The following CCDC7 variants were observed in gnomAD, a reference collection of about 807,000 sequenced individuals.
CCDC7 encodes the protein coiled-coil domain-containing protein 7.
Under a neutral mutation model 196.9 loss-of-function variants are expected in CCDC7, and 183 were observed. The ratio of observed to expected loss-of-function variants is 0.93; its 90% CI spans 0.82 to 1.05. The LOEUF is 1.05. Ranked by LOEUF, CCDC7 falls within the 50% of genes least tolerant of loss-of-function variation. CCDC7 has a pLI of 0.00. For synonymous variants in CCDC7, 525 were observed against 484.6 expected, an observed-to-expected ratio of 1.08 and a Z score of -1.10; for missense variants, 1,540 against 1,482.2, an observed-to-expected ratio of 1.04 and a Z score of -0.64.
intron 24 of CCDC7, among the ~76,000 whole-genome samples, chr10:32,702,298 G>A (rs904241239): frequency 7.9e-5 from 12 of 152,038 alleles, no homozygotes; most frequent in African/African-American, 1.4e-4. Flanking sequence ...ATTCAGGAGT[G>A]GGTTGTTCAG....
chr10:32,602,145 C>T (rs901004863), intron 18 of CCDC7, among the ~76,000 whole-genome samples: 3 of 152,032 alleles, frequency 2.0e-5, no homozygotes, highest in East Asian at 1.9e-4. Flanking sequence ...CTGAAGTCAG[C>T]GAGACCACAA....
chr10:32,703,844 G>C (rs60182087), intron 24 of CCDC7, among the ~76,000 whole-genome samples: 1 of 152,016 alleles, frequency 6.6e-6, no homozygotes, highest in East Asian at 1.9e-4. Context: ...CGTAGTTCTC[G>C]TGCCTTGGTT....
At chr10:32,853,667 T>A (rs890001101) in intron 40 of CCDC7, among the ~76,000 whole-genome samples, 14 of 152,200 alleles carry the variant, frequency 9.2e-5, no homozygotes, top group Admixed American at 7.9e-4. Context: ...TCTTTACAAT[T>A]GCATTTCTAG....
chr10:32,817,076 TA>T (rs1171179595), intron 31 of CCDC7, among the ~76,000 whole-genome samples: 1 of 152,004 alleles, frequency 6.6e-6, no homozygotes, highest in East Asian at 1.9e-4. Flanking sequence ...GCGAAGAAGT[TA>T]AAAACCTTGA....
At position 32,870,226 on chromosome 10, in the gene CCDC7, A is replaced by G. The variant is rs34094766; in HGVS notation, c.4112-6121A>G. Among the ~76,000 whole-genome samples the G allele has an allele frequency of 5.4e-3, 824 of 152,278 alleles. 4 individuals are homozygous for G. Among genetic ancestry groups the G allele is most frequent in the Non-Finnish European group, 9.2e-3 (629 of 68,010 alleles). On this transcript the variant is annotated intron_variant, in intron 41 of 41. Transcript: ENST00000639629. ...ACGATTCTATTGATTCTTCCTACCCATGAGCATGGAATGTTCTTCCATTTG... is the reference window on the plus strand; with the variant it reads ...ACGATTCTATTGATTCTTCCTACCCGTGAGCATGGAATGTTCTTCCATTTG...
At chr10:32,577,233 G>A (rs1258299627) in intron 16 of CCDC7, among the ~76,000 whole-genome samples, 5 of 151,960 alleles carry the variant, frequency 3.3e-5, no homozygotes, top group African/African-American at 7.3e-5. Context: ...ATGGTCGTGC[G>A]CGCCTGTAGT....
At chr10:32,603,174 T>TA (rs2061241818) in intron 18 of CCDC7, among the ~76,000 whole-genome samples, 1 of 151,484 alleles carries the variant, frequency 6.6e-6, no homozygotes, top group Non-Finnish European at 1.5e-5. Flanking sequence ...TTTTTTTTTT[T>TA]AGCTCATACA....
intron 21 of CCDC7, among the ~76,000 whole-genome samples, chr10:32,676,597 C>G (rs549607779): frequency 3.3e-5 from 5 of 152,216 alleles, no homozygotes; most frequent in African/African-American, 1.2e-4. Flanking sequence ...GACATTTATG[C>G]AGCCAAAAAA....
At chr10:32,607,989 C>T (rs1302321014) in intron 18 of CCDC7, among the ~76,000 whole-genome samples, 1 of 152,018 alleles carries the variant, frequency 6.6e-6, no homozygotes, top group Non-Finnish European at 1.5e-5. Flanking sequence ...AATTTTATTA[C>T]TCATTATTGA....
At chr10:32,566,146 A>G (rs1176621770) in intron 14 of CCDC7, among the ~76,000 whole-genome samples, 2 of 152,198 alleles carry the variant, frequency 1.3e-5, no homozygotes, top group African/African-American at 4.8e-5. Context: ...AATGTAAAGG[A>G]CAGAAATATG....
intron 11 of CCDC7, 97 bp downstream of exon 12, chr10:32,518,602 GT>G: frequency 1.1e-6 from 1 of 897,574 alleles, no homozygotes; most frequent in Non-Finnish European, 1.5e-6. Flanking sequence ...TATATAATAT[GT>G]TTTTACTATT....
chr10:32,797,245 G>A (rs573963790), intron 29 of CCDC7, among the ~76,000 whole-genome samples: 32 of 149,350 alleles, frequency 2.1e-4, no homozygotes, highest in African/African-American at 2.7e-4. Context: ...ATATATATGC[G>A]TATATATATG....
chr10:32,848,017 G>A, intron 38 of CCDC7, 101 bp downstream of exon 39: 1 of 609,850 alleles, frequency 1.6e-6, no homozygotes, highest in South Asian at 3.2e-5. Context: ...AATATTTCAT[G>A]GGCAAATGTC....
At chr10:32,663,159 TAATTA>T (rs2071872131) in intron 20 of CCDC7, among the ~76,000 whole-genome samples, 1 of 152,196 alleles carries the variant, frequency 6.6e-6, no homozygotes, top group East Asian at 1.9e-4. Context: ...CCACTGTCCC[TAATTA>T]AATCTAACGA....
upstream of CCDC7, among the ~76,000 whole-genome samples, chr10:32,450,138 G>T (rs925750510): frequency 2.0e-5 from 3 of 152,174 alleles, no homozygotes; most frequent in Non-Finnish European, 2.9e-5. Context: ...CCAGAAAACT[G>T]AAATCAAGGT....
At chr10:32,580,475 AT>A (rs1287651805) in intron 16 of CCDC7, among the ~76,000 whole-genome samples, 2 of 152,084 alleles carry the variant, frequency 1.3e-5, no homozygotes, top group Non-Finnish European at 2.9e-5. Flanking sequence ...ATTGTATTGT[AT>A]TGTAAAAACT....
rs966665026 is a variant in CCDC7, at chr10:32,669,943, A to G, written c.2122+5782A>G. On this transcript the variant is annotated intron_variant, in intron 21 of 41. Transcript: ENST00000639629. ...GTAAAATTACATAAAAGGACAAATT[A>G]TAATCAGACGTTTGCTTGGTGAGCA... Among the ~76,000 whole-genome samples the G allele has an allele frequency of 1.3e-5, 2 of 152,182 alleles. 1 individual carries two copies. Among genetic ancestry groups the G allele is most frequent in the Admixed American group, 1.3e-4 (2 of 15,262 alleles).
At chr10:32,525,049 T>G (rs913735640) in intron 11 of CCDC7, among the ~76,000 whole-genome samples, 5 of 152,038 alleles carry the variant, frequency 3.3e-5, no homozygotes, top group Non-Finnish European at 5.9e-5. Context: ...GTACGTGTGC[T>G]TCATTGTGTG....
chr10:32,746,522 C>T (rs1220283918), intron 28 of CCDC7, among the ~76,000 whole-genome samples: 1 of 152,170 alleles, frequency 6.6e-6, no homozygotes, highest in Admixed American at 6.5e-5. Context: ...GTGGCTTTGA[C>T]CTTTGTTAAC....
Sources: gnomAD v4.1 joint callset for allele counts (sites outside exome capture counted in the v4.1 genomes callset) on GRCh38, gnomAD v4.1.1 for gene constraint, MANE v1.5 for transcripts, NCBI Gene and HGNC (gene_info 2026-07-23, HGNC 2026-07-21) for gene names.